ROBO1: variants seen among roughly 807,000 people sequenced by gnomAD.
The protein encoded by ROBO1 is roundabout guidance receptor 1.
ROBO1 carries 149 observed loss-of-function variants against 195.9 expected under a neutral mutation model. That is an observed-to-expected ratio of 0.76 (90% confidence interval 0.67 to 0.87). ROBO1 has a LOEUF of 0.87. Ranked by LOEUF, ROBO1 falls within the 40% of genes least tolerant of loss-of-function variation. The pLI, the probability that ROBO1 is intolerant of heterozygous loss-of-function variation, is 0.00. For missense variants in ROBO1, 1,933 were observed against 2,068.3 expected (o/e 0.93, Z 1.27); for synonymous variants, 816 against 733.2 (o/e 1.11, Z -1.82).
At chr3:79,501,517 T>C (rs1940069539) in intron 2 of ROBO1, among the ~76,000 whole-genome samples, 1 of 152,200 alleles carries the variant, frequency 6.6e-6, no homozygotes, top group South Asian at 2.1e-4. Flanking sequence ...GCCAATTTGT[T>C]CATTCTTTCA....
chr3:78,677,039 G>T (rs1430217510), intron 10 of ROBO1, among the ~76,000 whole-genome samples: 1 of 152,056 alleles, frequency 6.6e-6, no homozygotes, highest in African/African-American at 2.4e-5. Context: ...TTAAAGAAAA[G>T]AATTTTCAAC....
intron 2 of ROBO1, among the ~76,000 whole-genome samples, chr3:79,574,870 C>A (rs961992318): frequency 6.6e-6 from 1 of 151,298 alleles, no homozygotes; most frequent in Non-Finnish European, 1.5e-5. Context: ...CCAAAAGTCA[C>A]AATCAACTAA....
intron 3 of ROBO1, among the ~76,000 whole-genome samples, chr3:78,956,066 T>C (rs187243239): frequency 1.3e-5 from 2 of 152,266 alleles, no homozygotes; most frequent in Admixed American, 1.3e-4. Context: ...ACACAAGATA[T>C]AGAAATTTGA....
chr3:79,216,172 T>A (rs2082052752), intron 2 of ROBO1, among the ~76,000 whole-genome samples: 1 of 152,046 alleles, frequency 6.6e-6, no homozygotes, highest in South Asian at 2.1e-4. Flanking sequence ...CATCAAATAA[T>A]TTTTTTAAGG....
intron 27 of ROBO1, 56 bp from the exon 28 acceptor site, chr3:78,614,856 A>T: frequency 6.9e-7 from 1 of 1,452,610 alleles, no homozygotes; most frequent in Non-Finnish European, 9.2e-7. Flanking sequence ...TTTTAATTAC[A>T]ACAGGAACAA....
intron 2 of ROBO1, among the ~76,000 whole-genome samples, chr3:79,434,544 G>A (rs546444366): frequency 2.3e-4 from 34 of 150,064 alleles, no homozygotes; most frequent in African/African-American, 6.6e-4. Context: ...TTAGAATGGC[G>A]ATCATTAAAA....
intron 3 of ROBO1, among the ~76,000 whole-genome samples, chr3:78,979,338 G>A (rs984273655): frequency 6.6e-6 from 1 of 152,084 alleles, no homozygotes; most frequent in Non-Finnish European, 1.5e-5. Flanking sequence ...ACTGTCTTTG[G>A]AGCTAATTAA....
At chr3:79,745,502 A>G (rs1031715061) in intron 1 of ROBO1, among the ~76,000 whole-genome samples, 5 of 152,200 alleles carry the variant, frequency 3.3e-5, no homozygotes, top group African/African-American at 1.2e-4. Flanking sequence ...CAGAATCAAT[A>G]CAAAGGCGAT....
At chr3:78,716,143 G>T (rs1430164188) in intron 7 of ROBO1, among the ~76,000 whole-genome samples, 1 of 152,128 alleles carries the variant, frequency 6.6e-6, no homozygotes, top group Non-Finnish European at 1.5e-5. Context: ...TATGTGTCAT[G>T]ATTCTTTCAG....
At chr3:79,475,525 T>C (rs1465362896) in intron 2 of ROBO1, among the ~76,000 whole-genome samples, 2 of 151,978 alleles carry the variant, frequency 1.3e-5, no homozygotes, top group African/African-American at 2.4e-5. Context: ...ATAATGGCAA[T>C]CATAGAAGAA....
At chr3:79,252,177 A>G (rs1456982491) in intron 2 of ROBO1, among the ~76,000 whole-genome samples, 1 of 152,120 alleles carries the variant, frequency 6.6e-6, no homozygotes, top group South Asian at 2.1e-4. Flanking sequence ...TGAAATTATT[A>G]ATATTAAATA....
intron 10 of ROBO1, among the ~76,000 whole-genome samples, chr3:78,678,479 A>C (rs1373744185): frequency 2.0e-5 from 3 of 152,234 alleles, no homozygotes; most frequent in Non-Finnish European, 4.4e-5. Flanking sequence ...GCAATAAAAA[A>C]TGATAAAGGG....
intron 10 of ROBO1, among the ~76,000 whole-genome samples, chr3:78,673,357 G>A (rs1157123029): frequency 6.7e-6 from 1 of 149,604 alleles, no homozygotes; most frequent in East Asian, 2.0e-4. Context: ...GGTAGTGATG[G>A]TATAAGCAGT....
At chr3:79,318,811 C>T (rs1211351337) in intron 2 of ROBO1, among the ~76,000 whole-genome samples, 1 of 151,998 alleles carries the variant, frequency 6.6e-6, no homozygotes, top group Non-Finnish European at 1.5e-5. Flanking sequence ...GATGGATTTT[C>T]TTTGTTTCTG....
intron 2 of ROBO1, among the ~76,000 whole-genome samples, chr3:79,230,030 T>C (rs1025137962): frequency 6.6e-6 from 1 of 152,140 alleles, no homozygotes; most frequent in African/African-American, 2.4e-5. Context: ...CTAACCTTAA[T>C]TTGCATAGTC....
chr3:79,470,054 G>A (rs965349177), intron 2 of ROBO1, among the ~76,000 whole-genome samples: 3 of 151,938 alleles, frequency 2.0e-5, no homozygotes, highest in East Asian at 1.9e-4. Flanking sequence ...TGTACACAAC[G>A]TGCAGGTTTG....
chr3:78,775,090 T>C (rs1426939527), intron 4 of ROBO1, among the ~76,000 whole-genome samples: 1 of 152,250 alleles, frequency 6.6e-6, no homozygotes, highest in Non-Finnish European at 1.5e-5. Flanking sequence ...GAAATGCATA[T>C]GTGCACATAT....
rs191955166 is a variant in ROBO1, at chr3:79,324,260, A to C, written c.89-198721T>G. On this transcript the variant is annotated intron_variant, in intron 2 of 30. Coordinates refer to ENST00000464233, the MANE Select transcript of ROBO1 (RefSeq NM_002941.4). ...AGAGTTTGGTAACTGAAAAGATTCA[A>C]TAGTTCAACAAAAATTTATTTTGCA... is the stretch of plus-strand genomic sequence containing the variant. 6.2e-3 allele frequency among the ~76,000 whole-genome samples: 940 copies of C among 152,304 alleles called. 14 individuals are homozygous for C. The highest frequency in any genetic ancestry group is 0.021 in the African/African-American group (891 of 41,564).
chr3:79,008,271 G>A (rs927092972), intron 3 of ROBO1, among the ~76,000 whole-genome samples: 2 of 152,010 alleles, frequency 1.3e-5, no homozygotes, highest in Non-Finnish European at 2.9e-5. Flanking sequence ...CTTGAATCTT[G>A]TATTAAAAGC....
Sources: allele counts gnomAD v4.1 joint callset (sites outside exome capture counted in the v4.1 genomes callset), GRCh38; gene constraint gnomAD v4.1.1; transcripts MANE v1.5; gene names NCBI Gene and HGNC (gene_info 2026-07-23, HGNC 2026-07-21).